The following CEP70 variants were observed in gnomAD, a reference collection of about 807,000 sequenced individuals.
The protein encoded by CEP70 is centrosomal protein of 70 kDa.
A neutral mutation model predicts 90.9 loss-of-function variants in CEP70; 70 were observed. That is an observed-to-expected ratio of 0.77 (90% CI 0.64 to 0.94). The LOEUF (loss-of-function observed/expected upper bound fraction) is 0.94, where lower values mean the gene tolerates loss of function less well. Among genes scored for constraint, CEP70 ranks in the 40% least tolerant of loss-of-function variants. CEP70 has a pLI of 0.00. For missense variants in CEP70, 648 were observed against 669.0 expected (o/e 0.97, Z 0.35); for synonymous variants, 220 against 228.3 (o/e 0.96, Z 0.33).
At chr3:138,547,656 T>G (rs1560384181) in intron 6 of CEP70, among the ~76,000 whole-genome samples, 5 of 152,182 alleles carry the variant, frequency 3.3e-5, no homozygotes, top group Non-Finnish European at 7.3e-5. Flanking sequence ...TCTTGCATCT[T>G]GGGCCTATTA....
chr3:138,510,536 A>T (rs1248196580), intron 11 of CEP70, among the ~76,000 whole-genome samples: 4 of 152,194 alleles, frequency 2.6e-5, no homozygotes, highest in African/African-American at 7.2e-5. Flanking sequence ...GAAATCATTG[A>T]TTGTTTTTCA....
chr3:138,582,415 T>C (rs560834604), intron 2 of CEP70, among the ~76,000 whole-genome samples: 9 of 151,286 alleles, frequency 5.9e-5, no homozygotes, highest in African/African-American at 2.2e-4. Flanking sequence ...GAGGCTGCAG[T>C]GAGCCAAGAT....
chr3:138,567,896 TA>T (rs1317245904), intron 6 of CEP70, among the ~76,000 whole-genome samples: 14 of 152,126 alleles, frequency 9.2e-5, no homozygotes, highest in African/African-American at 3.4e-4. Context: ...AGGGTAGAAG[TA>T]AAAATATTTT....
intron 2 of CEP70, among the ~76,000 whole-genome samples, chr3:138,587,046 C>T (rs564017901): frequency 8.6e-5 from 13 of 151,708 alleles, no homozygotes; most frequent in African/African-American, 2.7e-4. Context: ...ACTAGAAAGA[C>T]GTGCTCACAA....
chr3:138,521,069 C>T lies in CEP70; in HGVS notation c.944+4421G>A, dbSNP rs189073421. On this transcript the variant is annotated intron_variant, in intron 11 of 17. Transcript: ENST00000264982. ...GAGTGATCTGCCTGCCTCGGCCTCC[C>T]GAGGTGCCGGGATTGCAGACAGAGT... Among the ~76,000 whole-genome samples the T allele has an allele frequency of 1.7e-4, 26 of 152,304 alleles. No homozygotes were observed. The East Asian group carries it at 4.3e-3, about 25-fold the overall frequency.
intron 13 of CEP70, among the ~76,000 whole-genome samples, chr3:138,504,122 G>A (rs542478400): frequency 3.0e-4 from 46 of 152,190 alleles, no homozygotes; most frequent in Non-Finnish European, 5.9e-4. Context: ...TCCTCCTACT[G>A]GGAGAACCCT....
chr3:138,495,940 G>A, intron 17 of CEP70: 5 of 985,324 alleles, frequency 5.1e-6, no homozygotes, highest in Non-Finnish European at 6.0e-6. Context: ...GCTTAGCCTG[G>A]TCCAGCTTAC....
chr3:138,541,436 A>G (rs919060619), intron 6 of CEP70, among the ~76,000 whole-genome samples: 1 of 151,670 alleles, frequency 6.6e-6, no homozygotes, highest in Non-Finnish European at 1.5e-5. Flanking sequence ...AAAAGAAAAA[A>G]AAAAACCTGT....
chr3:138,526,728 A>G (rs183764943), intron 10 of CEP70, among the ~76,000 whole-genome samples: 30 of 152,336 alleles, frequency 2.0e-4, no homozygotes, highest in Non-Finnish European at 3.7e-4. Context: ...GCATTCCAGT[A>G]TAATTTGAGA....
intron 16 of CEP70, 125 bp downstream of exon 16, chr3:138,499,985 T>C (rs2034338557): frequency 2.9e-6 from 2 of 700,984 alleles, no homozygotes; most frequent in Admixed American, 4.2e-5. Flanking sequence ...TTGCTCAGAC[T>C]GGACTTAAAC....
At chr3:138,560,119 G>A (rs901513565) in intron 6 of CEP70, among the ~76,000 whole-genome samples, 23 of 152,202 alleles carry the variant, frequency 1.5e-4, no homozygotes, top group African/African-American at 5.5e-4. Context: ...CAGCGAGATC[G>A]ATGCAGAAGG....
At chr3:138,539,251 T>C (rs945289876) in intron 6 of CEP70, among the ~76,000 whole-genome samples, 4 of 152,148 alleles carry the variant, frequency 2.6e-5, no homozygotes, top group Admixed American at 6.5e-5. Flanking sequence ...TGACCTCAAG[T>C]GATCCTCCTG....
At chr3:138,575,255 T>C (rs1439808342) in intron 2 of CEP70, among the ~76,000 whole-genome samples, 1 of 152,126 alleles carries the variant, frequency 6.6e-6, no homozygotes, top group African/African-American at 2.4e-5. Flanking sequence ...AAGAAGACCT[T>C]AAATGACCGG....
At chr3:138,544,134 T>C (rs1369902394) in intron 6 of CEP70, among the ~76,000 whole-genome samples, 1 of 152,028 alleles carries the variant, frequency 6.6e-6, no homozygotes, top group African/African-American at 2.4e-5. Flanking sequence ...TTTTAAAAAC[T>C]CCTTAACTTA....
chr3:138,512,920 C>T (rs140392053), intron 11 of CEP70, among the ~76,000 whole-genome samples: 1 of 152,196 alleles, frequency 6.6e-6, no homozygotes, highest in Non-Finnish European at 1.5e-5. Flanking sequence ...GTGAGCTTCT[C>T]AAAGCTATAC....
intron 6 of CEP70, among the ~76,000 whole-genome samples, chr3:138,560,121 T>C (rs928940437): frequency 1.3e-5 from 2 of 152,176 alleles, no homozygotes; most frequent in Non-Finnish European, 2.9e-5. Context: ...GCGAGATCGA[T>C]GCAGAAGGCG....
Position 138,513,961 on chromosome 3 carries a change from AAAAC to A in CEP70, c.945-5421_945-5418del, listed in dbSNP as rs575274632. Among the ~76,000 whole-genome samples, 449 of 152,064 alleles carry A rather than the reference AAAAC, an allele frequency of 3.0e-3. 3 individuals are homozygous for A. The highest frequency in any genetic ancestry group is 0.01 in the African/African-American group (429 of 41,460). Reference sequence around the variant, plus strand: ...TGGTTAACTACAAATCTAAAAAAAAAAAACAAACAAACTCAATTTTCTCTGGTTC... The same window carrying A: ...TGGTTAACTACAAATCTAAAAAAAAAAAACAAACTCAATTTTCTCTGGTTC... On this transcript the variant is annotated intron_variant, in intron 11 of 17. Transcript: ENST00000264982.
intron 13 of CEP70, 29 bp from the exon 14 acceptor site, chr3:138,500,910 T>TA (rs2034451218): frequency 8.4e-7 from 1 of 1,195,582 alleles, no homozygotes; most frequent in Non-Finnish European, 1.1e-6. Context: ...TATATGGTAT[T>TA]ATTGATTTAA....
At chr3:138,587,382 G>T (rs2042155136) in intron 2 of CEP70, among the ~76,000 whole-genome samples, 1 of 151,876 alleles carries the variant, frequency 6.6e-6, no homozygotes, top group Admixed American at 6.6e-5. Context: ...AATTGAAAAA[G>T]AAAACTAAAA....
Sources: allele counts gnomAD v4.1 joint callset (sites outside exome capture counted in the v4.1 genomes callset), GRCh38; gene constraint gnomAD v4.1.1; transcripts MANE v1.5; gene names NCBI Gene and HGNC (gene_info 2026-07-23, HGNC 2026-07-21).